The following CD47 variants were observed in gnomAD, a reference collection of about 807,000 sequenced individuals.
CD47 encodes CD47 molecule.
CD47 carries 11 observed loss-of-function variants against 44.6 expected under a neutral mutation model. That is an observed-to-expected ratio of 0.25 (90% CI 0.16 to 0.41). CD47 has a LOEUF of 0.41. Ranked by LOEUF, CD47 falls within the 10% of genes least tolerant of loss-of-function variation. CD47 has a pLI of 1.00. For synonymous variants in CD47, 140 were observed against 136.3 expected (o/e 1.03, Z -0.19); for missense variants, 306 against 386.7 (o/e 0.79, Z 1.75).
intron 10 of CD47, among the ~76,000 whole-genome samples, chr3:108,049,407 A>C (rs1360710222): frequency 6.6e-6 from 1 of 152,198 alleles, no homozygotes; most frequent in African/African-American, 2.4e-5. Flanking sequence ...ATATGACTGG[A>C]GTCTGATTCG....
At chr3:108,050,514 A>ACTG in intron 9 of CD47, 64 bp downstream of exon 9, 2 of 755,504 alleles carry the variant, frequency 2.6e-6, no homozygotes, top group Non-Finnish European at 4.5e-6. Context: ...GGGCATTCTA[A>ACTG]CTGTTTTGCG....
intron 9 of CD47, among the ~76,000 whole-genome samples, chr3:108,050,328 G>A (rs1278417578): frequency 6.6e-6 from 1 of 152,154 alleles, no homozygotes; most frequent in Non-Finnish European, 1.5e-5. Context: ...ATGTTGGCCA[G>A]GATGGTCTCA....
chr3:108,087,641 C>A (rs1481377627), intron 1 of CD47, among the ~76,000 whole-genome samples: 3 of 152,064 alleles, frequency 2.0e-5, no homozygotes, highest in East Asian at 3.9e-4. Context: ...TTTTGACAGG[C>A]CTTGAACTAG....
At chr3:108,074,862 A>G (rs3804640) in intron 2 of CD47, among the ~76,000 whole-genome samples, 58,143 of 151,876 alleles carry the variant, frequency 0.38, 11,835 homozygotes, top group Non-Finnish European at 0.46. Context: ...TTTGAGGATC[A>G]TGGAATTAGA....
At chr3:108,083,488 T>C (rs1227501661) in intron 1 of CD47, among the ~76,000 whole-genome samples, 2 of 152,048 alleles carry the variant, frequency 1.3e-5, no homozygotes, top group South Asian at 2.1e-4. Flanking sequence ...TGAAAAAATA[T>C]AGTTATTATC....
intron 1 of CD47, among the ~76,000 whole-genome samples, chr3:108,086,905 T>C (rs979370464): frequency 1.3e-5 from 2 of 152,110 alleles, no homozygotes; most frequent in Non-Finnish European, 2.9e-5. Flanking sequence ...TGTCCTTTCG[T>C]TGGAAAAGTG....
rs1044499538 is a variant in CD47, at chr3:108,043,599, T to C, written c.*3689A>G. The C allele has an allele frequency of 1.3e-5, 2 of 152,618 alleles. No homozygotes were observed. The highest frequency in any genetic ancestry group is 2.9e-5 in the Non-Finnish European group (2 of 68,034). The allele number at this position is 152,618 out of a possible 1,614,324, so 9.5% of individuals were successfully genotyped here. A position where few individuals can be genotyped will look rare whatever the true frequency, so the allele number is the denominator to read the frequency against. ...CATAGCAACACTGGAGTTCTCTTTA[T>C]TTAGAATGGTTAATAGATATTTATA... On this transcript the variant is annotated 3_prime_UTR_variant, in exon 11 of 11. Transcript: ENST00000361309.
At chr3:108,061,893 T>C (rs556344664) in intron 3 of CD47, among the ~76,000 whole-genome samples, 2 of 152,202 alleles carry the variant, frequency 1.3e-5, no homozygotes, top group Non-Finnish European at 2.9e-5. Context: ...TTTAGTTTTT[T>C]TTCTTCTACA....
chr3:108,047,797 A>G (rs2108215812), intron 10 of CD47, among the ~76,000 whole-genome samples: 1 of 152,378 alleles, frequency 6.6e-6, no homozygotes, highest in East Asian at 1.9e-4. Context: ...ACATTTTAAA[A>G]ACAAATTCTG....
At chr3:108,048,371 G>GTTTTTTTT (rs146476512) in intron 10 of CD47, among the ~76,000 whole-genome samples, 2 of 79,598 alleles carry the variant, frequency 2.5e-5, no homozygotes, top group Non-Finnish European at 2.3e-5. Flanking sequence ...TGACTGGAGT[G>GTTTTTTTT]TTTTTTTTTT....
At chr3:108,062,603 T>C (rs56319702) in intron 3 of CD47, among the ~76,000 whole-genome samples, 14,883 of 151,826 alleles carry the variant, frequency 0.098, 1,483 homozygotes, top group East Asian at 0.55. Context: ...TGGAAAAAGG[T>C]TGACTTATGT....
intron 3 of CD47, among the ~76,000 whole-genome samples, chr3:108,069,846 T>C (rs1041190225): frequency 7.2e-5 from 11 of 152,198 alleles, no homozygotes; most frequent in Non-Finnish European, 1.3e-4. Context: ...CCTAATATCA[T>C]TGATGCCAGA....
rs552922514 is a variant in CD47 at position 108,069,992 on chromosome 3, C to G, written c.490+1101G>C. Among the ~76,000 whole-genome samples, 7 of 152,292 alleles carry G rather than the reference C, an allele frequency of 4.6e-5. No homozygotes were observed. In the South Asian group the frequency reaches 1.5e-3, roughly 32 times the overall value. ...GTCTTGACAGTTGCCACTGCCACCCCTTTCTTCCCCCTTTTTTCCTTTCAG... is the reference window on the plus strand; with the variant it reads ...GTCTTGACAGTTGCCACTGCCACCCGTTTCTTCCCCCTTTTTTCCTTTCAG... On this transcript the variant is annotated intron_variant, in intron 3 of 10. Coordinates refer to ENST00000361309, the MANE Select transcript of CD47 (RefSeq NM_001777.4).
chr3:108,086,256 A>T (rs2079518999), intron 1 of CD47, among the ~76,000 whole-genome samples: 1 of 145,868 alleles, frequency 6.9e-6, no homozygotes, highest in South Asian at 2.1e-4. Context: ...TAATTTCATT[A>T]AAAAAAAAAC....
At chr3:108,081,494 G>A (rs2079416655) in intron 1 of CD47, among the ~76,000 whole-genome samples, 1 of 151,954 alleles carries the variant, frequency 6.6e-6, no homozygotes, top group African/African-American at 2.4e-5. Flanking sequence ...TCTATTGTAA[G>A]AACACTATGT....
rs1259649523 is a variant in CD47, at chr3:108,044,350, T to G, written c.*2938A>C. Reference sequence around the variant, plus strand: ...GACATTCTTAGGGATTTAAACAGAATGGACCTGGAGTTTCCAGGAGAAAAA... The same window carrying G: ...GACATTCTTAGGGATTTAAACAGAAGGGACCTGGAGTTTCCAGGAGAAAAA... On this transcript the variant is annotated 3_prime_UTR_variant, in exon 11 of 11. Transcript: ENST00000361309. 2 of 141,212 alleles carry G rather than the reference T, an allele frequency of 1.4e-5. No individual in the cohort carries two copies. Among genetic ancestry groups the G allele is most frequent in the Admixed American group, 1.5e-4 (2 of 13,116 alleles). 8.7% of individuals were successfully genotyped at this position (141,212 alleles called of 1,614,324 possible).
chr3:108,088,545 T>G (rs1221949206), intron 1 of CD47, among the ~76,000 whole-genome samples: 2 of 152,130 alleles, frequency 1.3e-5, no homozygotes, highest in African/African-American at 4.8e-5. Context: ...AGAGAAAACA[T>G]TTTTATTTAA....
chr3:108,058,563 A>G, intron 5 of CD47, 134 bp from the exon 6 acceptor site: 1 of 556,658 alleles, frequency 1.8e-6, no homozygotes, highest in Non-Finnish European at 3.1e-6. Flanking sequence ...TTGACGGTAG[A>G]TGTTAACTCA....
chr3:108,069,806 C>CAT (rs2079166720), intron 3 of CD47, among the ~76,000 whole-genome samples: 2 of 152,148 alleles, frequency 1.3e-5, no homozygotes. Flanking sequence ...CCCTTAAAGT[C>CAT]TGGCTCTGCC....
Sources: allele counts gnomAD v4.1 joint callset (sites outside exome capture counted in the v4.1 genomes callset), GRCh38; gene constraint gnomAD v4.1.1; transcripts MANE v1.5; gene names NCBI Gene and HGNC (gene_info 2026-07-23, HGNC 2026-07-21).